RNLS: variants seen among roughly 807,000 people sequenced by gnomAD.
The protein encoded by RNLS is renalase, FAD dependent amine oxidase.
In RNLS, 39 loss-of-function variants were observed where a neutral mutation model predicts 39.8. The observed-to-expected ratio is 0.98, with a 90% CI of 0.76 to 1.28. The LOEUF is 1.28. Among genes scored for constraint, RNLS ranks in the 50% most tolerant of loss-of-function variants. The pLI is 0.00. For missense variants in RNLS, 410 were observed against 413.3 expected (o/e 0.99, Z 0.07); for synonymous variants, 147 against 150.7 (o/e 0.98, Z 0.18).
chr10:88,575,936 A>C (rs1850175558), intron 3 of RNLS, among the ~76,000 whole-genome samples: 1 of 152,120 alleles, frequency 6.6e-6, no homozygotes, highest in Non-Finnish European at 1.5e-5. Flanking sequence ...TTATTCCTTG[A>C]ATGCACTAAC....
chr10:88,447,104 C>T (rs964120378), intron 4 of RNLS, among the ~76,000 whole-genome samples: 48 of 152,060 alleles, frequency 3.2e-4, no homozygotes, highest in Non-Finnish European at 3.1e-4. Context: ...AACTGGCACA[C>T]GACAGGGATG....
chr10:88,353,375 G>A (rs1252111345), intron 5 of RNLS, among the ~76,000 whole-genome samples: 1 of 151,876 alleles, frequency 6.6e-6, no homozygotes. Flanking sequence ...TCTACACACT[G>A]CTGTAAATGT....
At chr10:88,365,516 AACACACACACACACACAC>A (rs61386966) in intron 4 of RNLS, among the ~76,000 whole-genome samples, 9 of 145,818 alleles carry the variant, frequency 6.2e-5, no homozygotes, top group African/African-American at 1.8e-4. Context: ...AGGATTATAT[AACACACACACACACACAC>A]ACACACACAC....
exon 7 of RNLS, chr10:88,274,229 A>G (rs1446786217): frequency 6.6e-6 from 1 of 152,192 alleles, no homozygotes; most frequent in Non-Finnish European, 1.5e-5. Flanking sequence ...ACCACATTTA[A>G]ATGTGCAGTT....
At chr10:88,432,295 T>C (rs1855181423) in intron 4 of RNLS, among the ~76,000 whole-genome samples, 1 of 151,888 alleles carries the variant, frequency 6.6e-6, no homozygotes. Context: ...TTTTGATTAG[T>C]GTTAGCATGG....
chr10:88,398,179 G>A (rs1183568911), intron 4 of RNLS, among the ~76,000 whole-genome samples: 1 of 152,084 alleles, frequency 6.6e-6, no homozygotes, highest in Non-Finnish European at 1.5e-5. Context: ...ACCACGGAAG[G>A]CCACACATGG....
Position 88,393,809 on chromosome 10 carries a change from TA to T in RNLS, c.527-31085del, listed in dbSNP as rs1443515172. On this transcript the variant is annotated intron_variant, in intron 4 of 6. Transcript: ENST00000331772. ...TTCAAACTATACTACAAGGCTACAG[TA>T]ACCAAAACAGCATCATACTGGTACC... is the stretch of plus-strand genomic sequence containing the variant. 1.2e-4 allele frequency among the ~76,000 whole-genome samples: 19 copies of T among 152,312 alleles called. No individual in the cohort carries two copies. In the South Asian group the frequency reaches 3.9e-3, roughly 32 times the overall value.
chr10:88,494,791 C>T (rs953479098), intron 4 of RNLS, among the ~76,000 whole-genome samples: 1 of 152,164 alleles, frequency 6.6e-6, no homozygotes, highest in East Asian at 1.9e-4. Context: ...TAGTGGTGAA[C>T]CCTTTCTCTA....
At chr10:88,179,232 G>C in the RNLS span, among the ~76,000 whole-genome samples, 1 of 152,136 alleles carries the variant, frequency 6.6e-6, no homozygotes, top group Non-Finnish European at 1.5e-5. Context: ...ACCAAGATGG[G>C]CTTCACTGAG....
At chr10:88,220,845 T>G in the RNLS span, among the ~76,000 whole-genome samples, 1 of 152,230 alleles carries the variant, frequency 6.6e-6, no homozygotes, top group South Asian at 2.1e-4. Context: ...GACAGCATCC[T>G]TCTGAAAGAT....
At chr10:88,400,843 CT>C (rs771431987) in intron 4 of RNLS, among the ~76,000 whole-genome samples, 2 of 151,764 alleles carry the variant, frequency 1.3e-5, no homozygotes, top group African/African-American at 2.4e-5. Flanking sequence ...TTCAATGCCC[CT>C]ATGTGACCTA....
At chr10:88,327,509 T>C (rs900755764) in intron 5 of RNLS, among the ~76,000 whole-genome samples, 5 of 152,210 alleles carry the variant, frequency 3.3e-5, no homozygotes, top group Non-Finnish European at 5.9e-5. Flanking sequence ...CTTTGCCTTC[T>C]GCCATGATTA....
At chr10:88,544,887 C>T (rs1206067500) in intron 4 of RNLS, among the ~76,000 whole-genome samples, 1 of 151,838 alleles carries the variant, frequency 6.6e-6, no homozygotes, top group Non-Finnish European at 1.5e-5. Context: ...TTTTTTTCAA[C>T]TAAAAGTTTG....
chr10:88,247,294 C>A, the RNLS span, among the ~76,000 whole-genome samples: 2 of 152,008 alleles, frequency 1.3e-5, no homozygotes, highest in Non-Finnish European at 2.9e-5. Flanking sequence ...CAGAGAGGAC[C>A]CCAAGGAAGT....
intron 3 of RNLS, 96 bp from the exon 4 acceptor site, chr10:88,573,157 A>G: frequency 2.5e-6 from 3 of 1,195,676 alleles, no homozygotes; most frequent in Non-Finnish European, 3.6e-6. Context: ...TCAAGTGAAC[A>G]AAATGGCCAA....
At position 88,284,698 on chromosome 10, in the gene RNLS, T is replaced by C. The variant is rs976981279; in HGVS notation, c.*656A>G. 3 of 985,340 alleles carry C rather than the reference T, an allele frequency of 3.0e-6. No individual in the cohort carries two copies. Among genetic ancestry groups the C allele is most frequent in the Non-Finnish European group, 3.6e-6 (3 of 829,864 alleles). 61.0% of individuals were successfully genotyped at this position (985,340 alleles called of 1,614,324 possible). ...CTTTCATATTAGGACTGGAATTTGT[T>C]TGAAAGTTAAAAAGTACTGTGTGGC... On this transcript the variant is annotated 3_prime_UTR_variant, in exon 7 of 7. Coordinates refer to ENST00000331772, the MANE Select transcript of RNLS (RefSeq NM_001031709.3).
chr10:88,185,701 A>G, the RNLS span, among the ~76,000 whole-genome samples: 1 of 152,174 alleles, frequency 6.6e-6, no homozygotes, highest in African/African-American at 2.4e-5. Context: ...ACCAAATCCT[A>G]GATACTTCAA....
At chr10:88,552,799 A>G (rs962767277) in intron 4 of RNLS, among the ~76,000 whole-genome samples, 2 of 152,178 alleles carry the variant, frequency 1.3e-5, no homozygotes, top group African/African-American at 4.8e-5. Flanking sequence ...TGCTATATGG[A>G]AAAAATCTAC....
the RNLS span, among the ~76,000 whole-genome samples, chr10:88,216,934 G>A: frequency 6.6e-6 from 1 of 152,174 alleles, no homozygotes; most frequent in Non-Finnish European, 1.5e-5. Context: ...TGTTGCCCAG[G>A]CGCTGGTTAG....
Sources: allele counts gnomAD v4.1 joint callset (sites outside exome capture counted in the v4.1 genomes callset), GRCh38; gene constraint gnomAD v4.1.1; transcripts MANE v1.5; gene names NCBI Gene and HGNC (gene_info 2026-07-23, HGNC 2026-07-21).